The following CNNM2 variants were observed in gnomAD, a reference collection of about 807,000 sequenced individuals.
CNNM2 encodes metal transporter CNNM2.
In CNNM2, 12 loss-of-function variants were observed where a neutral mutation model predicts 66.9. The observed-to-expected ratio is 0.18, with a 90% confidence interval of 0.11 to 0.29. The LOEUF is 0.29. Among genes scored for constraint, CNNM2 ranks in the 10% least tolerant of loss-of-function variants. CNNM2 has a pLI of 1.00. For missense variants in CNNM2, 705 were observed against 1,167.7 expected (o/e 0.60, Z 5.77); for synonymous variants, 557 against 501.8 (o/e 1.11, Z -1.47).
chr10:103,044,553 A>G (rs1382285843), intron 1 of CNNM2, among the ~76,000 whole-genome samples: 1 of 53,076 alleles, frequency 1.9e-5, no homozygotes, highest in Admixed American at 1.9e-4. Flanking sequence ...CTGTCTCAGA[A>G]AAAAAAAAAA....
At chr10:102,930,848 T>A (rs1242867158) in intron 1 of CNNM2, among the ~76,000 whole-genome samples, 1 of 152,242 alleles carries the variant, frequency 6.6e-6, no homozygotes, top group Non-Finnish European at 1.5e-5. Flanking sequence ...TCAAGGTTCA[T>A]CCATGTTGTA....
At chr10:102,980,111 T>TCGCCATGTTGGCAGGCTGGTCTCAGA (rs1421298923) in intron 1 of CNNM2, among the ~76,000 whole-genome samples, 8 of 152,064 alleles carry the variant, frequency 5.3e-5, no homozygotes, top group Middle Eastern at 3.2e-3. Context: ...GACAAGTGTT[T>TCGCCATGTTGGCAGGCTGGTCTCAGA]CGCCATGTTG....
chr10:103,073,086 C>G (rs1338049315), intron 6 of CNNM2, among the ~76,000 whole-genome samples: 1 of 152,262 alleles, frequency 6.6e-6, no homozygotes, highest in Non-Finnish European at 1.5e-5. Flanking sequence ...AGCGCCTCTG[C>G]TCGCGCTGGC....
chr10:102,961,684 G>A (rs956429208), intron 1 of CNNM2, among the ~76,000 whole-genome samples: 2 of 152,066 alleles, frequency 1.3e-5, no homozygotes, highest in Non-Finnish European at 2.9e-5. Flanking sequence ...TTTCTTTGCA[G>A]TAGTTAATCT....
chr10:102,994,845 C>T (rs1590364550), intron 1 of CNNM2, among the ~76,000 whole-genome samples: 1 of 152,246 alleles, frequency 6.6e-6, no homozygotes, highest in African/African-American at 2.4e-5. Context: ...GTTTCTCTTT[C>T]CAAATCCATG....
chr10:103,048,774 A>ATG (rs1179342427), intron 1 of CNNM2, among the ~76,000 whole-genome samples: 2 of 152,350 alleles, frequency 1.3e-5, no homozygotes, highest in Non-Finnish European at 2.9e-5. Context: ...GAAGTGTTTT[A>ATG]TGACAATTCC....
intron 1 of CNNM2, among the ~76,000 whole-genome samples, chr10:102,949,173 A>G (rs1451100010): frequency 1.3e-5 from 2 of 151,982 alleles, no homozygotes; most frequent in Non-Finnish European, 2.9e-5. Context: ...GGTTCACTAG[A>G]TACCATTTAT....
chr10:102,940,475 CTG>C (rs1846388258), intron 1 of CNNM2, among the ~76,000 whole-genome samples: 1 of 146,300 alleles, frequency 6.8e-6, no homozygotes, highest in East Asian at 2.0e-4. Flanking sequence ...CTGGAGTGCA[CTG>C]GCGCAATCTC....
At chr10:102,924,232 C>CGGAG (rs911578202) in intron 1 of CNNM2, among the ~76,000 whole-genome samples, 14 of 152,196 alleles carry the variant, frequency 9.2e-5, no homozygotes, top group African/African-American at 3.4e-4. Context: ...AGAGGCTCTC[C>CGGAG]ATTCACCTGA....
rs552083579 is a variant in CNNM2, at chr10:103,039,000, TA to T, written c.1622-10697del. On this transcript the variant is annotated intron_variant, in intron 1 of 7. Coordinates refer to ENST00000369878, the MANE Select transcript of CNNM2 (RefSeq NM_017649.5). ...GGGATGGTAAGGTAAAATAAGTACTTAAAAAAAAAAGAAGATACACACAGTT... is the reference window on the plus strand; with the variant it reads ...GGGATGGTAAGGTAAAATAAGTACTTAAAAAAAAAGAAGATACACACAGTT... Among the ~76,000 whole-genome samples the T allele has an allele frequency of 1.3e-4, 20 of 148,410 alleles. No homozygotes were observed. In the East Asian group the frequency reaches 2.0e-3, roughly 14 times the overall value.
rs912319955 is a variant in CNNM2, at chr10:103,081,010, G to A, written c.*3830G>A. 1 of 152,164 alleles carries A rather than the reference G, an allele frequency of 6.6e-6. No individual in the cohort carries two copies. Among genetic ancestry groups the A allele is most frequent in the Non-Finnish European group, 1.5e-5 (1 of 68,006 alleles). The allele number at this position is 152,164 out of a possible 1,614,324, so 9.4% of individuals were successfully genotyped here. A position where few individuals can be genotyped will look rare whatever the true frequency, so the allele number is the denominator to read the frequency against. ...AGGCCCAGGAAGGTGAGGTCTCCTGGGCAACCAGAGTTGCCCCTGTGGTTC... is the reference window on the plus strand; with the variant it reads ...AGGCCCAGGAAGGTGAGGTCTCCTGAGCAACCAGAGTTGCCCCTGTGGTTC... On this transcript the variant is annotated 3_prime_UTR_variant, in exon 8 of 8. Transcript: ENST00000369878.
At position 103,054,512 on chromosome 10, in the gene CNNM2, C is replaced by T. The variant is rs928233275; in HGVS notation, c.1903+46C>T. On this transcript the variant is annotated intron_variant, in intron 3 of 7. Coordinates refer to ENST00000369878, the MANE Select transcript of CNNM2 (RefSeq NM_017649.5). The surrounding 1 kb of genome is among the most constrained non-coding windows in gnomAD (Gnocchi z 5.2). The stretch of plus-strand genomic sequence containing the variant: ...TTTGAGATCTCTACCAACCCTGAAG[C>T]GTGTTTCTCACCCACCACTGACTGG... 2 of 1,591,756 alleles carry T rather than the reference C, an allele frequency of 1.3e-6. No homozygotes were observed. The highest frequency in any genetic ancestry group is 1.7e-5 in the Admixed American group (1 of 57,902).
chr10:103,026,571 A>G (rs2134294073), intron 1 of CNNM2, among the ~76,000 whole-genome samples: 1 of 142,046 alleles, frequency 7.0e-6, no homozygotes, highest in South Asian at 2.3e-4. Flanking sequence ...ACTGCACTCT[A>G]GCCTTAGGGA....
intron 1 of CNNM2, among the ~76,000 whole-genome samples, chr10:103,000,506 T>A (rs912296943): frequency 3.3e-5 from 5 of 151,974 alleles, no homozygotes; most frequent in Admixed American, 3.3e-4. Flanking sequence ...CAGGATGGAG[T>A]GCAGTGGTGC....
intron 1 of CNNM2, among the ~76,000 whole-genome samples, chr10:102,954,698 C>T (rs1283505966): frequency 6.6e-6 from 1 of 152,116 alleles, no homozygotes; most frequent in East Asian, 1.9e-4. Context: ...GGGAGAAAGA[C>T]ATTGCCAGTA....
intron 1 of CNNM2, among the ~76,000 whole-genome samples, chr10:102,934,289 T>TC: frequency 6.6e-6 from 1 of 150,582 alleles, no homozygotes; most frequent in East Asian, 1.9e-4. Context: ...CTTTTTTTTT[T>TC]TTTGAGACAG....
intron 1 of CNNM2, among the ~76,000 whole-genome samples, chr10:102,948,710 T>G (rs145623554): frequency 6.6e-6 from 1 of 152,196 alleles, no homozygotes; most frequent in African/African-American, 2.4e-5. Context: ...GTGTGGAAAA[T>G]CTTTTGATGA....
chr10:103,076,476 A>G (rs561139632), intron 7 of CNNM2, among the ~76,000 whole-genome samples: 4 of 152,284 alleles, frequency 2.6e-5, no homozygotes, highest in South Asian at 4.1e-4. Context: ...TCTTGGTTCT[A>G]TCCAATGAGC....
intron 1 of CNNM2, among the ~76,000 whole-genome samples, chr10:102,974,582 T>A (rs945261715): frequency 3.9e-4 from 59 of 152,270 alleles, no homozygotes; most frequent in Admixed American, 4.6e-4. Context: ...CTATTTATTT[T>A]TTTTTTTGAG....
Sources: gnomAD v4.1 joint callset for allele counts (sites outside exome capture counted in the v4.1 genomes callset) on GRCh38, gnomAD v4.1.1 for gene constraint, Gnocchi (gnomAD v3.1) non-coding constraint, MANE v1.5 for transcripts, NCBI Gene and HGNC (gene_info 2026-07-23, HGNC 2026-07-21) for gene names.